TTC29: variants seen among roughly 807,000 people sequenced by gnomAD.
TTC29 encodes tetratricopeptide repeat domain 29.
In TTC29, 49 loss-of-function variants were observed where a neutral mutation model predicts 58.1. The ratio of observed to expected loss-of-function variants is 0.84; its 90% confidence interval spans 0.67 to 1.07. The LOEUF is 1.07. Ranked by LOEUF, TTC29 falls within the 50% of genes least tolerant of loss-of-function variation. The pLI, the probability that TTC29 is intolerant of heterozygous loss-of-function variation, is 0.00. For missense variants in TTC29, 582 were observed against 555.6 expected, an observed-to-expected ratio of 1.05 and a Z score of -0.48; for synonymous variants, 209 against 196.8, an observed-to-expected ratio of 1.06 and a Z score of -0.52.
At chr4:146,850,319 T>G (rs1043076190) in intron 8 of TTC29, among the ~76,000 whole-genome samples, 2 of 152,184 alleles carry the variant, frequency 1.3e-5, no homozygotes, top group African/African-American at 4.8e-5. Context: ...GTCATACAAC[T>G]GGTAAATGGT....
At chr4:146,864,307 A>G (rs1730431846) in intron 8 of TTC29, among the ~76,000 whole-genome samples, 1 of 152,028 alleles carries the variant, frequency 6.6e-6, no homozygotes, top group Non-Finnish European at 1.5e-5. Flanking sequence ...CTCACCTCCT[A>G]TACTTAGCCT....
intron 11 of TTC29, among the ~76,000 whole-genome samples, chr4:146,728,849 A>ATATATATACG (rs1744089883): frequency 3.7e-5 from 2 of 54,374 alleles, no homozygotes; most frequent in African/African-American, 1.0e-4. Flanking sequence ...ATATATATGT[A>ATATATATACG]TATATATACA....
intron 8 of TTC29, among the ~76,000 whole-genome samples, chr4:146,856,713 A>G (rs993514119): frequency 1.1e-4 from 16 of 150,694 alleles, no homozygotes; most frequent in African/African-American, 3.6e-4. Flanking sequence ...TATTATTAAT[A>G]TGTAAAAAAA....
intron 11 of TTC29, among the ~76,000 whole-genome samples, chr4:146,797,829 GTT>G (rs1245222777): frequency 3.8e-5 from 3 of 79,968 alleles, no homozygotes; most frequent in African/African-American, 5.1e-5. Flanking sequence ...TGATTACTTT[GTT>G]TTATATATAT....
intron 4 of TTC29, among the ~76,000 whole-genome samples, chr4:146,932,512 T>C (rs927075746): frequency 3.3e-5 from 5 of 152,128 alleles, no homozygotes. Context: ...AATTATGAAA[T>C]ATTGTATCTT....
chr4:146,845,399 T>C (rs1729099716), intron 8 of TTC29, among the ~76,000 whole-genome samples: 1 of 152,302 alleles, frequency 6.6e-6, no homozygotes, highest in Admixed American at 6.5e-5. Context: ...AGTAAGTTGC[T>C]TGTGTATTTT....
intron 11 of TTC29, among the ~76,000 whole-genome samples, chr4:146,761,323 T>C (rs1163055334): frequency 2.0e-5 from 3 of 152,090 alleles, no homozygotes; most frequent in Non-Finnish European, 4.4e-5. Context: ...TATCTTTTTT[T>C]ACAGTTTAGG....
chr4:146,708,961 T>A (rs1742282533), intron 11 of TTC29, among the ~76,000 whole-genome samples: 2 of 152,004 alleles, frequency 1.3e-5, no homozygotes, highest in Admixed American at 1.3e-4. Context: ...TCCTTGTTCT[T>A]TCAGGACCCT....
intron 6 of TTC29, among the ~76,000 whole-genome samples, chr4:146,883,398 G>GT (rs77936880): frequency 0.37 from 55,090 of 150,098 alleles, 10,756 homozygotes; most frequent in South Asian, 0.54. Flanking sequence ...GTTTCTTTTT[G>GT]TTTTTTTTTC....
At chr4:146,812,432 G>A (rs998585176) in intron 10 of TTC29, among the ~76,000 whole-genome samples, 2 of 152,152 alleles carry the variant, frequency 1.3e-5, no homozygotes, top group Non-Finnish European at 2.9e-5. Flanking sequence ...ACCACGCTGA[G>A]CCAGGCCAAA....
intron 11 of TTC29, among the ~76,000 whole-genome samples, chr4:146,780,302 G>GGGGTGT (rs373330447): frequency 2.7e-4 from 38 of 138,542 alleles, no homozygotes; most frequent in East Asian, 6.6e-4. Flanking sequence ...CCTAACTTGG[G>GGGGTGT]GTGTGTGTGT....
chr4:146,816,452 C>T (rs1270639381), intron 10 of TTC29, among the ~76,000 whole-genome samples: 1 of 151,804 alleles, frequency 6.6e-6, no homozygotes, highest in Non-Finnish European at 1.5e-5. Context: ...AGGAAGCACA[C>T]GACATGCAAA....
At chr4:146,752,991 G>T (rs1469878450) in intron 11 of TTC29, among the ~76,000 whole-genome samples, 3 of 152,140 alleles carry the variant, frequency 2.0e-5, no homozygotes, top group Non-Finnish European at 4.4e-5. Flanking sequence ...ATAGGCATGG[G>T]CAAGGACTTC....
intron 11 of TTC29, among the ~76,000 whole-genome samples, chr4:146,733,958 C>T (rs1449145640): frequency 6.6e-6 from 1 of 152,062 alleles, no homozygotes; most frequent in Non-Finnish European, 1.5e-5. Flanking sequence ...AATGTTTCCT[C>T]AACTTTTAAA....
At chr4:146,910,412 A>C (rs1383564339) in intron 4 of TTC29, among the ~76,000 whole-genome samples, 3 of 152,116 alleles carry the variant, frequency 2.0e-5, no homozygotes, top group Non-Finnish European at 4.4e-5. Context: ...ACAAACAAAT[A>C]ACAAAACAAA....
At chr4:146,747,592 GCAGCTT>G (rs1038982496) in intron 11 of TTC29, among the ~76,000 whole-genome samples, 1 of 152,202 alleles carries the variant, frequency 6.6e-6, no homozygotes, top group Non-Finnish European at 1.5e-5. Context: ...CCACCCACTG[GCAGCTT>G]CAGGTCTTCT....
chr4:146,784,725 A>T (rs929493450), intron 11 of TTC29, among the ~76,000 whole-genome samples: 1 of 152,200 alleles, frequency 6.6e-6, no homozygotes. Context: ...TCTGCTGTTT[A>T]TAAGTTACCC....
At chr4:146,715,004 A>G (rs1307747511) in intron 11 of TTC29, among the ~76,000 whole-genome samples, 1 of 151,874 alleles carries the variant, frequency 6.6e-6, no homozygotes, top group Non-Finnish European at 1.5e-5. Context: ...GGCTAATTAA[A>G]AAAAAAAAAT....
At chr4:146,841,721 T>C (rs1004763109) in intron 8 of TTC29, among the ~76,000 whole-genome samples, 1 of 152,034 alleles carries the variant, frequency 6.6e-6, no homozygotes, top group African/African-American at 2.4e-5. Context: ...CCTTGTGAGA[T>C]AATGAAATCT....
Sources: gnomAD v4.1 joint callset for allele counts (sites outside exome capture counted in the v4.1 genomes callset) on GRCh38, gnomAD v4.1.1 for gene constraint, MANE v1.5 for transcripts, NCBI Gene and HGNC (gene_info 2026-07-23, HGNC 2026-07-21) for gene names.